TNR: variants seen among roughly 807,000 people sequenced by gnomAD.
TNR encodes the protein tenascin-R.
A neutral mutation model predicts 150.4 loss-of-function variants in TNR; 45 were observed. The ratio of observed to expected loss-of-function variants is 0.30; its 90% CI spans 0.24 to 0.38. The LOEUF is 0.38. TNR is among the 10% of genes least tolerant of loss of function. TNR has a pLI of 1.00. For missense variants in TNR, 1,544 were observed against 1,759.1 expected (o/e 0.88, Z 2.19); for synonymous variants, 687 against 678.4 (o/e 1.01, Z -0.20).
At chr1:175,572,640 TA>T (rs148058120) in intron 1 of TNR, among the ~76,000 whole-genome samples, 6 of 151,814 alleles carry the variant, frequency 4.0e-5, no homozygotes, top group East Asian at 1.9e-4. Flanking sequence ...TTAGAATACA[TA>T]AAAAAATTGA....
At chr1:175,364,774 G>A (rs1422658759) in intron 12 of TNR, among the ~76,000 whole-genome samples, 1 of 152,182 alleles carries the variant, frequency 6.6e-6, no homozygotes, top group African/African-American at 2.4e-5. Flanking sequence ...ATGCATTCAA[G>A]CTTTGACCTC....
intron 19 of TNR, 27 bp downstream of exon 19, chr1:175,337,501 T>C (rs2101992010): frequency 6.2e-7 from 1 of 1,612,102 alleles, no homozygotes; most frequent in East Asian, 2.2e-5. Flanking sequence ...GACGCTTCTG[T>C]GCAAGGAGAG....
chr1:175,673,002 G>A (rs898708145), intron 1 of TNR, among the ~76,000 whole-genome samples: 2 of 152,114 alleles, frequency 1.3e-5, no homozygotes, highest in Non-Finnish European at 2.9e-5. Flanking sequence ...AGCTAAGGCT[G>A]AGCAGCATCC....
intron 1 of TNR, among the ~76,000 whole-genome samples, chr1:175,695,775 AC>A (rs1666496646): frequency 1.3e-5 from 2 of 152,188 alleles, no homozygotes; most frequent in Non-Finnish European, 2.9e-5. Flanking sequence ...TTCCTTCAGA[AC>A]ACTTTCCTAA....
chr1:175,676,005 T>A (rs1359052778), intron 1 of TNR, among the ~76,000 whole-genome samples: 1 of 152,098 alleles, frequency 6.6e-6, no homozygotes, highest in Non-Finnish European at 1.5e-5. Flanking sequence ...GAAATATTAA[T>A]CCATAATATG....
At chr1:175,527,745 G>A (rs558307243) in intron 2 of TNR, among the ~76,000 whole-genome samples, 14 of 152,222 alleles carry the variant, frequency 9.2e-5, no homozygotes, top group African/African-American at 3.1e-4. Flanking sequence ...ACATATATAT[G>A]TGGTATGAAA....
intron 18 of TNR, among the ~76,000 whole-genome samples, chr1:175,352,210 CA>C (rs1364050122): frequency 6.6e-6 from 1 of 152,162 alleles, no homozygotes; most frequent in African/African-American, 2.4e-5. Flanking sequence ...GAGTGAGGCA[CA>C]GCTGTAAGAT....
chr1:175,490,082 C>A (rs568978154), intron 2 of TNR, among the ~76,000 whole-genome samples: 78 of 152,244 alleles, frequency 5.1e-4, no homozygotes, highest in Middle Eastern at 3.4e-3. Flanking sequence ...TATCTACAAC[C>A]ATCTGATCTT....
At chr1:175,377,708 C>T (rs1375022314) in intron 9 of TNR, among the ~76,000 whole-genome samples, 2 of 152,112 alleles carry the variant, frequency 1.3e-5, no homozygotes, top group Non-Finnish European at 2.9e-5. Flanking sequence ...GGGAGGAAAA[C>T]TGCTTTGATT....
intron 2 of TNR, among the ~76,000 whole-genome samples, chr1:175,518,774 C>T (rs762416145): frequency 6.6e-6 from 1 of 152,150 alleles, no homozygotes; most frequent in Non-Finnish European, 1.5e-5. Context: ...CTTATCGCCC[C>T]CTCTACATTT....
intron 20 of TNR, 141 bp downstream of exon 20, chr1:175,335,570 A>G: frequency 1.3e-6 from 1 of 748,078 alleles, no homozygotes. Flanking sequence ...AAACAGAGCA[A>G]GAGGTTCTGA....
intron 1 of TNR, among the ~76,000 whole-genome samples, chr1:175,681,225 A>T (rs1666024160): frequency 6.6e-6 from 1 of 152,190 alleles, no homozygotes; most frequent in South Asian, 2.1e-4. Context: ...AGGAGGAAAG[A>T]ACAGCTCCCA....
intron 7 of TNR, among the ~76,000 whole-genome samples, chr1:175,388,593 TTGGA>T (rs1653037354): frequency 6.6e-6 from 1 of 152,254 alleles, no homozygotes; most frequent in Non-Finnish European, 1.5e-5. Flanking sequence ...GTAGCCACTC[TTGGA>T]TTCTGCCCTT....
chr1:175,342,334 T>G (rs1169337337), intron 18 of TNR, among the ~76,000 whole-genome samples: 1 of 152,202 alleles, frequency 6.6e-6, no homozygotes, highest in African/African-American at 2.4e-5. Context: ...CTTTAGGAAC[T>G]GACCTGGATG....
chr1:175,709,058 G>A (rs1666921280), intron 1 of TNR, among the ~76,000 whole-genome samples: 1 of 151,804 alleles, frequency 6.6e-6, no homozygotes, highest in African/African-American at 2.4e-5. Flanking sequence ...CTCACTGGGG[G>A]AAGATGAAGG....
In TNR at chr1:175,406,600, T is replaced by C; in HGVS notation, c.115A>G (p.Arg39Gly). The change falls in exon 3 of 23, where the codon AGG becomes GGG. Residue 39 changes from arginine (R) to glycine (G), a missense_variant. Physicochemically the swap from Arg to Gly is moderately radical, Grantham distance 125 (BLOSUM62 -2). This residue lies in a region of TNR where 1,254 missense variants were observed against 1,329.4 expected (regional missense o/e 0.94). Coordinates refer to ENST00000367674, the MANE Select transcript of TNR (RefSeq NM_003285.3). ...SECQLEVTTERVQRQSVEEEG... is the reference protein window; with the variant it reads ...SECQLEVTTEGVQRQSVEEEG... ...TCCTCCACTGACTGTCTCTGGACCC[T>C]TTCTGTGGTGACCTCCAGCTGACAC... The C allele has an allele frequency of 1.9e-6, 3 of 1,614,230 alleles. No individual in the cohort carries two copies. Among genetic ancestry groups the C allele is most frequent in the Non-Finnish European group, 2.5e-6 (3 of 1,180,042 alleles).
chr1:175,454,410 G>A (rs1377841489), intron 2 of TNR, among the ~76,000 whole-genome samples: 1 of 152,194 alleles, frequency 6.6e-6, no homozygotes, highest in East Asian at 1.9e-4. Flanking sequence ...AAGATAAAAA[G>A]AGCATGTGCT....
chr1:175,503,375 TA>T (rs1045390149), intron 2 of TNR, among the ~76,000 whole-genome samples: 1 of 152,220 alleles, frequency 6.6e-6, no homozygotes, highest in African/African-American at 2.4e-5. Flanking sequence ...GGAATCAATA[TA>T]TTTTTAGAGT....
At chr1:175,455,183 G>C (rs1287084158) in intron 2 of TNR, among the ~76,000 whole-genome samples, 1 of 152,190 alleles carries the variant, frequency 6.6e-6, no homozygotes, top group African/African-American at 2.4e-5. Context: ...CGGTCCCCAA[G>C]AGCCCGAGCC....
Sources: gnomAD v4.1 joint callset for allele counts (sites outside exome capture counted in the v4.1 genomes callset) on GRCh38, gnomAD v4.1.1 for gene constraint, gnomAD v4.1.1 regional missense constraint, MANE v1.5 for transcripts, NCBI Gene and HGNC (gene_info 2026-07-23, HGNC 2026-07-21) for gene names.